Variants in RASGRF1 observed in about 807,000 individuals in gnomAD.
RASGRF1 encodes Ras protein specific guanine nucleotide releasing factor 1.
In RASGRF1, 40 loss-of-function variants were observed where a neutral mutation model predicts 138.7. The ratio of observed to expected loss-of-function variants is 0.29; its 90% confidence interval spans 0.22 to 0.38. RASGRF1 has a LOEUF of 0.38. Ranked by LOEUF, RASGRF1 falls within the 10% of genes least tolerant of loss-of-function variation. The probability of loss-of-function intolerance (pLI) is 1.00; values close to 1 mark genes in which losing one functional copy is unlikely to be tolerated. For missense variants in RASGRF1, 1,108 were observed against 1,650.4 expected, an observed-to-expected ratio of 0.67 and a Z score of 5.69; for synonymous variants, 614 against 663.2, an observed-to-expected ratio of 0.93 and a Z score of 1.14.
intron 2 of RASGRF1, among the ~76,000 whole-genome samples, chr15:79,059,991 GAC>G (rs941037876): frequency 0.27 from 8,313 of 31,324 alleles, 253 homozygotes; most frequent in Admixed American, 0.31. Flanking sequence ...CAGACACACA[GAC>G]ACACACACAC....
Position 78,962,040 on chromosome 15 carries a change from A to G in RASGRF1, c.*104T>C. 2 of 707,818 alleles carry G rather than the reference A, an allele frequency of 2.8e-6. No individual in the cohort carries two copies. The highest frequency in any genetic ancestry group is 3.5e-5 in the South Asian group (2 of 57,798). The allele number at this position is 707,818 out of a possible 1,614,324, so 43.8% of individuals were successfully genotyped here. On this transcript the variant is annotated 3_prime_UTR_variant, in exon 27 of 27. Transcript: ENST00000558480. ...GAACAAGGACGATTTGTATTCTTGG[A>G]GAAGCACATACTGAAGAAGAAAATC... is the stretch of plus-strand genomic sequence containing the variant.
chr15:78,979,209 G>C, intron 24 of RASGRF1: 1 of 1,251,992 alleles, frequency 8.0e-7, no homozygotes, highest in Non-Finnish European at 1.0e-6. Flanking sequence ...ACATCTGTCT[G>C]AGGACACAAA....
Position 79,025,460 on chromosome 15 carries a change from C to A in RASGRF1, c.1396G>T (p.Val466Leu). The change falls in exon 10 of 27, where the codon GTG (valine) becomes TTG (leucine). Residue 466 changes from valine (V) to leucine (L), a missense_variant. By Grantham distance (32) the Val-to-Leu change is conservative. Coordinates refer to ENST00000558480, the MANE Select transcript of RASGRF1 (RefSeq NM_001145648.3). ...ATCTTGCCCTTTTCAGACATGGGCA[C>A]CTGAATGAGGGAACCTGTGGGTGGA... is the stretch of plus-strand genomic sequence containing the variant. Reference protein sequence around the residue: ...TFVRQGSLIQVPMSEKGKITR... With the variant: ...TFVRQGSLIQLPMSEKGKITR... The A allele has an allele frequency of 6.2e-7, 1 of 1,612,830 alleles. No homozygotes were observed. Among genetic ancestry groups the A allele is most frequent in the Non-Finnish European group, 8.5e-7 (1 of 1,179,312 alleles).
chr15:79,028,555 T>C (rs940783583), intron 8 of RASGRF1, among the ~76,000 whole-genome samples: 1 of 152,038 alleles, frequency 6.6e-6, no homozygotes, highest in African/African-American at 2.4e-5. Context: ...GATGGCGCCA[T>C]CCAATAGCTT....
intron 13 of RASGRF1, among the ~76,000 whole-genome samples, chr15:79,012,012 T>C (rs1040791977): frequency 6.6e-6 from 1 of 150,748 alleles, no homozygotes; most frequent in Admixed American, 6.6e-5. Flanking sequence ...CGAGACCCTG[T>C]CTCAAAGAAA....
intron 22 of RASGRF1, among the ~76,000 whole-genome samples, chr15:78,988,212 C>T (rs1210338975): frequency 6.6e-6 from 1 of 152,206 alleles, no homozygotes; most frequent in African/African-American, 2.4e-5. Context: ...ACAAAGTGGG[C>T]ATGGCAGGAT....
intron 12 of RASGRF1, among the ~76,000 whole-genome samples, chr15:79,016,107 G>A (rs2056875681): frequency 6.6e-6 from 1 of 152,198 alleles, no homozygotes; most frequent in East Asian, 1.9e-4. Flanking sequence ...CTTTTCCCCT[G>A]CACTGTCCCC....
At chr15:79,037,645 G>T (rs955897176) in intron 5 of RASGRF1, among the ~76,000 whole-genome samples, 3 of 151,898 alleles carry the variant, frequency 2.0e-5, no homozygotes, top group Admixed American at 6.6e-5. Context: ...TTTTAGTAGA[G>T]ATGGGGTTTC....
Position 79,017,900 on chromosome 15 carries a change from C to T in RASGRF1, c.1613G>A (p.Gly538Glu). ...CAAGTGATCTATGTCTTGGCCGGAT[C>T]CTTTGGCTTCCAGTTGTAAAACATA... is the stretch of plus-strand genomic sequence containing the variant. ...EPESTEEEAK[G>E]SGQDIDHLDF... Residue 538 changes from glycine (G) to glutamate (E), a missense_variant, in exon 12 of 27, where the codon GGA becomes GAA. Around this residue, in one of 3 missense-constraint regions of RASGRF1, gnomAD observed 686 missense variants for 976.7 expected, o/e 0.70. Transcript: ENST00000558480. 6.2e-7 allele frequency: 1 copy of T among 1,611,846 alleles called. No individual in the cohort carries two copies. Among genetic ancestry groups the T allele is most frequent in the Non-Finnish European group, 8.5e-7 (1 of 1,179,422 alleles).
intron 12 of RASGRF1, among the ~76,000 whole-genome samples, chr15:79,017,403 GC>G (rs1428666884): frequency 9.9e-5 from 15 of 152,158 alleles, no homozygotes; most frequent in Admixed American, 9.8e-4. Context: ...ATGACCTGGG[GC>G]ATGTACTAAA....
At chr15:79,033,616 G>A (rs1433261771) in intron 6 of RASGRF1, among the ~76,000 whole-genome samples, 10 of 113,668 alleles carry the variant, frequency 8.8e-5, no homozygotes, top group African/African-American at 1.8e-4. Context: ...ATAGAGTCTC[G>A]TTCTGTTGCC....
intron 1 of RASGRF1, among the ~76,000 whole-genome samples, chr15:79,088,935 C>T (rs1050971426): frequency 7.2e-5 from 11 of 152,260 alleles, no homozygotes; most frequent in African/African-American, 2.7e-4. Flanking sequence ...TCCCAGTCCT[C>T]AGAAACTATC....
chr15:79,015,484 T>A (rs953242233), intron 12 of RASGRF1, 75 bp from the exon 13 acceptor site: 10 of 1,358,224 alleles, frequency 7.4e-6, no homozygotes, highest in South Asian at 7.1e-5. Context: ...CTCTGCCAAC[T>A]GTAAAGTTCA....
chr15:79,046,829 A>G lies in RASGRF1; in HGVS notation c.795T>C (p.Asn265=), dbSNP rs372956870. The change falls in exon 5 of 27, where the codon AAT becomes AAC. Residue 265 remains asparagine, a synonymous_variant. Coordinates refer to ENST00000558480, the MANE Select transcript of RASGRF1 (RefSeq NM_001145648.3). This position sits in a 1 kb window ranked among gnomAD's most constrained non-coding sequence, Gnocchi z 5.3. ...CGGCCATCCGCAGCGGGCGCAGGAA[A>G]TTGTTGACAAGGATGTGCAGCTGCT... is the stretch of plus-strand genomic sequence containing the variant. ...YVQQLHILVN[N]FLRPLRMAAS... 1.2e-5 allele frequency: 20 copies of G among 1,614,206 alleles called. No homozygotes were observed. The African/African-American group carries it at 1.5e-4, about 12-fold the overall frequency.
At position 78,973,145 on chromosome 15, in the gene RASGRF1, T is replaced by C. The variant is rs756289022; in HGVS notation, c.3612+158A>G. Among the ~76,000 whole-genome samples, 61 of 152,114 alleles carry C rather than the reference T, an allele frequency of 4.0e-4. No individual in the cohort carries two copies. Among genetic ancestry groups the C allele is most frequent in the Non-Finnish European group, 8.1e-4 (55 of 68,018 alleles). On this transcript the variant is annotated intron_variant, in intron 25 of 26. Coordinates refer to ENST00000558480, the MANE Select transcript of RASGRF1 (RefSeq NM_001145648.3). The surrounding 1 kb of genome is among the most constrained non-coding windows in gnomAD (Gnocchi z 4.9). The stretch of plus-strand genomic sequence containing the variant: ...CCAGATTCTAACTGCTCATCAATGA[T>C]AGTGATGGCTGTCATTGGGGAAGCT...
intron 26 of RASGRF1, among the ~76,000 whole-genome samples, chr15:78,963,301 A>C (rs898978984): frequency 6.7e-6 from 1 of 148,928 alleles, no homozygotes; most frequent in African/African-American, 2.6e-5. Context: ...GAAAGAAAAA[A>C]ATTTTCTTTT....
chr15:79,004,869 G>A (rs979257041), intron 14 of RASGRF1: 16 of 983,152 alleles, frequency 1.6e-5, no homozygotes, highest in Middle Eastern at 5.2e-4. Context: ...GCCCCAGGAC[G>A]TAGGCACTCT....
intron 5 of RASGRF1, among the ~76,000 whole-genome samples, chr15:79,037,446 CTATTAT>C (rs564297781): frequency 4.6e-5 from 7 of 150,922 alleles, no homozygotes; most frequent in South Asian, 2.1e-4. Flanking sequence ...CACTTTATTT[CTATTAT>C]TATTATTATT....
chr15:79,046,778 T>C lies in RASGRF1; in HGVS notation c.846A>G (p.Thr282=), dbSNP rs2057359272. 5 of 1,614,246 alleles carry C rather than the reference T, an allele frequency of 3.1e-6. No homozygotes were observed. The highest frequency in any genetic ancestry group is 4.2e-6 in the Non-Finnish European group (5 of 1,180,050). Residue 282 remains threonine, a synonymous_variant, in exon 5 of 27, where the codon ACA becomes ACG. Transcript: ENST00000558480. This position sits in a 1 kb window ranked among gnomAD's most constrained non-coding sequence, Gnocchi z 5.3. Reference sequence around the variant, plus strand: ...GGAAGATGCTGCTGACGTCGTCGTGTGTGATGGGAGGCTTCTTGGAGCTGG... The same window carrying C: ...GGAAGATGCTGCTGACGTCGTCGTGCGTGATGGGAGGCTTCTTGGAGCTGG... ...MAASSKKPPI[T]HDDVSSIFLN...
Sources: gnomAD v4.1 joint callset for allele counts (sites outside exome capture counted in the v4.1 genomes callset) on GRCh38, gnomAD v4.1.1 for gene constraint, gnomAD v4.1.1 regional missense constraint, Gnocchi (gnomAD v3.1) non-coding constraint, MANE v1.5 for transcripts, NCBI Gene and HGNC (gene_info 2026-07-23, HGNC 2026-07-21) for gene names.